Variants in PTPRD observed in about 807,000 individuals in gnomAD.
PTPRD encodes the protein receptor-type tyrosine-protein phosphatase delta.
PTPRD carries 34 observed loss-of-function variants against 214.5 expected under a neutral mutation model. The ratio of observed to expected loss-of-function variants is 0.16; its 90% CI spans 0.12 to 0.21. The LOEUF is 0.21. Among genes scored for constraint, PTPRD ranks in the 10% least tolerant of loss-of-function variants. The pLI is 1.00. For synonymous variants in PTPRD, 1,128 were observed against 845.7 expected (o/e 1.33, Z -5.79); for missense variants, 2,545 against 2,398.7 (o/e 1.06, Z -1.27).
chr9:9,864,876 A>G (rs1197160844), intron 5 of PTPRD, among the ~76,000 whole-genome samples: 1 of 152,178 alleles, frequency 6.6e-6, no homozygotes, highest in African/African-American at 2.4e-5. Context: ...TACACATTTT[A>G]TACTTTCTAG....
chr9:8,519,292 T>A (rs2138674687), intron 20 of PTPRD, among the ~76,000 whole-genome samples: 1 of 152,320 alleles, frequency 6.6e-6, no homozygotes, highest in Admixed American at 6.5e-5. Context: ...AAAATCCATC[T>A]TTTTAGAGGT....
intron 22 of PTPRD, among the ~76,000 whole-genome samples, chr9:8,506,596 A>C (rs1251477360): frequency 2.6e-5 from 4 of 152,186 alleles, no homozygotes; most frequent in African/African-American, 9.7e-5. Context: ...CCTCCATTTT[A>C]TTATACGTCA....
intron 8 of PTPRD, among the ~76,000 whole-genome samples, chr9:9,519,320 A>C (rs1487609487): frequency 6.7e-6 from 1 of 150,072 alleles, no homozygotes; most frequent in Non-Finnish European, 1.5e-5. Flanking sequence ...TAAACTATAC[A>C]AAGTAGAAGA....
chr9:8,787,169 A>G (rs1474168654), intron 11 of PTPRD, among the ~76,000 whole-genome samples: 3 of 152,136 alleles, frequency 2.0e-5, no homozygotes, highest in Non-Finnish European at 4.4e-5. Context: ...CAGAACTTAC[A>G]CATTCCTATT....
intron 9 of PTPRD, among the ~76,000 whole-genome samples, chr9:9,344,770 A>G (rs1388580752): frequency 6.6e-6 from 1 of 152,032 alleles, no homozygotes; most frequent in African/African-American, 2.4e-5. Flanking sequence ...TTATTTTGAA[A>G]AAGTTTTATA....
chr9:9,976,313 A>G (rs938526703), intron 4 of PTPRD, among the ~76,000 whole-genome samples: 6 of 152,200 alleles, frequency 3.9e-5, no homozygotes, highest in Non-Finnish European at 5.9e-5. Context: ...ATGAAAAAAC[A>G]AAAAACAAAA....
At chr9:9,584,102 C>A (rs1428883053) in intron 7 of PTPRD, among the ~76,000 whole-genome samples, 3 of 151,904 alleles carry the variant, frequency 2.0e-5, no homozygotes, top group Non-Finnish European at 4.4e-5. Context: ...AATACAGAAT[C>A]TCAGACCCCA....
Position 9,873,744 on chromosome 9 carries a change from A to G in PTPRD, c.-368+64763T>C, listed in dbSNP as rs181756042. On this transcript the variant is annotated intron_variant, in intron 5 of 45. Coordinates refer to ENST00000381196, the MANE Select transcript of PTPRD (RefSeq NM_002839.4). ...AGCATTCTTAATTCTTTTAATTAAAATATTCTTTCTCCATCCTGAGGCTCA... is the reference window on the plus strand; with the variant it reads ...AGCATTCTTAATTCTTTTAATTAAAGTATTCTTTCTCCATCCTGAGGCTCA... Among the ~76,000 whole-genome samples, 192 of 152,312 alleles carry G rather than the reference A, an allele frequency of 1.3e-3. 1 individual carries two copies. Among genetic ancestry groups the G allele is most frequent in the African/African-American group, 4.6e-3 (191 of 41,578 alleles).
At chr9:8,978,607 T>A (rs1419708586) in intron 11 of PTPRD, among the ~76,000 whole-genome samples, 1 of 152,028 alleles carries the variant, frequency 6.6e-6, no homozygotes, top group Non-Finnish European at 1.5e-5. Context: ...AAGGGTTTCG[T>A]GGATGCAGCA....
At chr9:10,540,765 G>C (rs1021346843) in intron 2 of PTPRD, among the ~76,000 whole-genome samples, 1 of 152,114 alleles carries the variant, frequency 6.6e-6, no homozygotes, top group African/African-American at 2.4e-5. Flanking sequence ...GTTGAAATTT[G>C]GCTTTGTTTA....
intron 14 of PTPRD, among the ~76,000 whole-genome samples, chr9:8,567,727 G>GAATC (rs2089818307): frequency 6.6e-6 from 1 of 152,154 alleles, no homozygotes; most frequent in African/African-American, 2.4e-5. Flanking sequence ...ATGAATGAAT[G>GAATC]AATCATACAA....
At chr9:9,524,850 C>T (rs540278931) in intron 8 of PTPRD, among the ~76,000 whole-genome samples, 80 of 151,898 alleles carry the variant, frequency 5.3e-4, no homozygotes, top group South Asian at 1.5e-3. Flanking sequence ...TGTTTGCTTG[C>T]TTGTTTGTTT....
chr9:9,505,972 G>C (rs1180843626), intron 8 of PTPRD, among the ~76,000 whole-genome samples: 4 of 151,208 alleles, frequency 2.6e-5, no homozygotes, highest in African/African-American at 9.7e-5. Context: ...AAAATAATTT[G>C]AGAGTAGATA....
At chr9:8,569,106 T>C (rs1349214896) in intron 14 of PTPRD, among the ~76,000 whole-genome samples, 4 of 152,076 alleles carry the variant, frequency 2.6e-5, no homozygotes, top group African/African-American at 9.7e-5. Flanking sequence ...AACTAACACA[T>C]CTTTCTTCAG....
At chr9:10,212,888 C>T (rs902071155) in intron 3 of PTPRD, among the ~76,000 whole-genome samples, 4 of 152,090 alleles carry the variant, frequency 2.6e-5, no homozygotes, top group African/African-American at 9.7e-5. Flanking sequence ...TAAGGAATTC[C>T]GGCAGATGTG....
At chr9:8,369,197 A>G (rs1435015960) in intron 39 of PTPRD, among the ~76,000 whole-genome samples, 1 of 152,142 alleles carries the variant, frequency 6.6e-6, no homozygotes, top group Non-Finnish European at 1.5e-5. Flanking sequence ...ATGGTTAAAA[A>G]TGTATTAAAC....
chr9:9,683,549 C>T (rs1288403478), intron 7 of PTPRD, among the ~76,000 whole-genome samples: 1 of 151,634 alleles, frequency 6.6e-6, no homozygotes, highest in South Asian at 2.1e-4. Flanking sequence ...GCATATAAAG[C>T]ATAACATCCC....
At chr9:8,749,224 C>T (rs2093258650) in intron 11 of PTPRD, among the ~76,000 whole-genome samples, 1 of 152,160 alleles carries the variant, frequency 6.6e-6, no homozygotes, top group African/African-American at 2.4e-5. Context: ...CTCTGTCGCC[C>T]AGGCTGGAGT....
intron 3 of PTPRD, among the ~76,000 whole-genome samples, chr9:10,234,541 G>A (rs1011813967): frequency 2.0e-5 from 3 of 151,752 alleles, no homozygotes; most frequent in African/African-American, 7.3e-5. Flanking sequence ...AAAGCAGTAA[G>A]AAATTTAACA....
Sources: allele counts gnomAD v4.1 joint callset (sites outside exome capture counted in the v4.1 genomes callset), GRCh38; gene constraint gnomAD v4.1.1; transcripts MANE v1.5; gene names NCBI Gene and HGNC (gene_info 2026-07-23, HGNC 2026-07-21).